ZDHHC13: variants seen among roughly 807,000 people sequenced by gnomAD.
The protein encoded by ZDHHC13 is palmitoyltransferase ZDHHC13.
In ZDHHC13, 85 loss-of-function variants were observed where a neutral mutation model predicts 86.0. That is an observed-to-expected ratio of 0.99 (90% CI 0.83 to 1.18). The LOEUF (loss-of-function observed/expected upper bound fraction) is 1.18. Among genes scored for constraint, ZDHHC13 ranks in the 50% most tolerant of loss-of-function variants. The probability of loss-of-function intolerance (pLI) is 0.00; values close to 1 mark genes in which losing one functional copy is unlikely to be tolerated. For missense variants in ZDHHC13, 711 were observed against 730.2 expected (o/e 0.97, Z 0.30); for synonymous variants, 263 against 246.4 (o/e 1.07, Z -0.63).
At chr11:19,142,928 A>AT in intron 1 of ZDHHC13, 50 bp from the exon 2 acceptor site, 1 of 1,520,336 alleles carries the variant, frequency 6.6e-7, no homozygotes, top group Non-Finnish European at 8.9e-7. Flanking sequence ...TATGTAATTG[A>AT]GTGTGACATT....
intron 4 of ZDHHC13, chr11:19,148,931 G>C (rs1311286814): frequency 3.7e-6 from 1 of 268,448 alleles, no homozygotes; most frequent in African/African-American, 2.2e-5. Context: ...TCCAGCCTGG[G>C]TCACAGAGCG....
chr11:19,162,966 G>A (rs1007903378), intron 10 of ZDHHC13, among the ~76,000 whole-genome samples: 2 of 152,108 alleles, frequency 1.3e-5, no homozygotes, highest in African/African-American at 4.8e-5. Context: ...AATGATCAAA[G>A]AATATTTTTC....
intron 1 of ZDHHC13, among the ~76,000 whole-genome samples, chr11:19,140,181 A>T (rs1166141712): frequency 6.6e-6 from 1 of 151,272 alleles, no homozygotes; most frequent in Non-Finnish European, 1.5e-5. Context: ...CAAAGGGCTA[A>T]TATCCAGAAT....
At chr11:19,127,458 A>T (rs779704023) in intron 1 of ZDHHC13, among the ~76,000 whole-genome samples, 1 of 152,102 alleles carries the variant, frequency 6.6e-6, no homozygotes, top group Non-Finnish European at 1.5e-5. Flanking sequence ...GTTTAATTAG[A>T]TCCCACTTAT....
At chr11:19,175,676 C>G in intron 16 of ZDHHC13, 146 bp from the exon 17 acceptor site, 1 of 860,168 alleles carries the variant, frequency 1.2e-6, no homozygotes, top group Non-Finnish European at 1.7e-6. Flanking sequence ...TACCAGAAGC[C>G]CAGGAACTAT....
intron 1 of ZDHHC13, among the ~76,000 whole-genome samples, chr11:19,123,432 G>A (rs1848799058): frequency 6.6e-6 from 1 of 151,948 alleles, no homozygotes; most frequent in African/African-American, 2.4e-5. Flanking sequence ...TTTAAGACCA[G>A]TCTGGGCAAC....
chr11:19,133,650 T>C (rs544221412), intron 1 of ZDHHC13, among the ~76,000 whole-genome samples: 1 of 152,134 alleles, frequency 6.6e-6, no homozygotes, highest in East Asian at 1.9e-4. Context: ...AGAATACGTA[T>C]GATAGATTCC....
chr11:19,158,736 T>C (rs191969551), intron 9 of ZDHHC13, among the ~76,000 whole-genome samples: 210 of 152,290 alleles, frequency 1.4e-3, no homozygotes, highest in Middle Eastern at 3.4e-3. Flanking sequence ...CGTTGTGCTT[T>C]AGTTTTCTCC....
chr11:19,170,347 T>C (rs1191546988), intron 14 of ZDHHC13, 64 bp from the exon 15 acceptor site: 1 of 1,478,908 alleles, frequency 6.8e-7, no homozygotes, highest in African/African-American at 1.4e-5. Context: ...GATTTTATCT[T>C]CTTGGAGACT....
chr11:19,163,854 G>A (rs188220889), intron 11 of ZDHHC13, among the ~76,000 whole-genome samples: 21 of 152,270 alleles, frequency 1.4e-4, no homozygotes, highest in Non-Finnish European at 2.8e-4. Context: ...CATGTTTTCC[G>A]TTGCTCATGA....
chr11:19,170,475 T>C lies in ZDHHC13; in HGVS notation c.1539T>C (p.Ile513=), dbSNP rs1850192126. The change falls in exon 15 of 17, where the codon ATT becomes ATC. Residue 513 remains isoleucine (I), a synonymous_variant. Transcript: ENST00000446113. ...EDGLWTYLNQ[I]VACSPWVLYI... ...GATTATGGACTTACCTCAATCAGATTGTGGCCTGTTCCCCTTGGGTTTTAT... is the reference window on the plus strand; with the variant it reads ...GATTATGGACTTACCTCAATCAGATCGTGGCCTGTTCCCCTTGGGTTTTAT... The C allele has an allele frequency of 1.9e-6, 3 of 1,543,482 alleles. No homozygotes were observed. Among genetic ancestry groups the C allele is most frequent in the African/African-American group, 1.4e-5 (1 of 72,178 alleles).
intron 13 of ZDHHC13, among the ~76,000 whole-genome samples, 193 bp from the exon 14 acceptor site, chr11:19,166,109 G>T (rs975222409): frequency 6.6e-6 from 1 of 152,140 alleles, no homozygotes; most frequent in South Asian, 2.1e-4. Flanking sequence ...TATTAGTTCA[G>T]TTAACATGGA....
rs530671625 is a variant in ZDHHC13, at chr11:19,136,530, G to C, written c.28-6448G>C. Among the ~76,000 whole-genome samples the C allele has an allele frequency of 6.9e-3, 1,044 of 152,142 alleles. 9 individuals are homozygous for C. The highest frequency in any genetic ancestry group is 0.024 in the African/African-American group (983 of 41,534). The stretch of plus-strand genomic sequence containing the variant: ...TATTATCCAGGAGAACTTCCCCAAT[G>C]TAGCAAGGCCAACATTCAGATTCAG... On this transcript the variant is annotated intron_variant, in intron 1 of 16. Transcript: ENST00000446113.
At chr11:19,153,436 T>C (rs1849666245) in intron 8 of ZDHHC13, among the ~76,000 whole-genome samples, 1 of 152,230 alleles carries the variant, frequency 6.6e-6, no homozygotes, top group Non-Finnish European at 1.5e-5. Context: ...TTAGTAATTG[T>C]ACTTTCAGAG....
rs77528600 is a variant in ZDHHC13 at position 19,132,906 on chromosome 11, C to G, written c.28-10072C>G. On this transcript the variant is annotated intron_variant, in intron 1 of 16. Transcript: ENST00000446113. ...AAGCAAGAGGTTAAGTGCAATCCTA[C>G]TTATCCCATCATGCACAGAAGTAGA... Among the ~76,000 whole-genome samples the G allele has an allele frequency of 6.8e-3, 1,042 of 152,244 alleles. 10 individuals are homozygous for G. The highest frequency in any genetic ancestry group is 0.024 in the African/African-American group (984 of 41,544).
Position 19,175,826 on chromosome 11 carries a change from G to C in ZDHHC13, c.1735G>C (p.Gly579Arg). 1 of 1,608,752 alleles carries C rather than the reference G, an allele frequency of 6.2e-7. No individual in the cohort carries two copies. Among genetic ancestry groups the C allele is most frequent in the Non-Finnish European group, 8.5e-7 (1 of 1,178,370 alleles). Residue 579 changes from glycine to arginine, a missense_variant, in exon 17 of 17, where the codon GGA becomes CGA. By Grantham distance (125) the Gly-to-Arg change is moderately radical. Coordinates refer to ENST00000446113, the MANE Select transcript of ZDHHC13 (RefSeq NM_019028.3). Reference protein sequence around the residue: ...LSLRKTPYNLGFMQNLADFFQ... With the variant: ...LSLRKTPYNLRFMQNLADFFQ... ...TCTTTTTTTTTTTCTTGGCAGTCTT[G>C]GATTCATGCAGAACCTGGCAGATTT...
intron 10 of ZDHHC13, among the ~76,000 whole-genome samples, chr11:19,161,005 C>G (rs1056859259): frequency 6.6e-6 from 1 of 151,862 alleles, no homozygotes; most frequent in Non-Finnish European, 1.5e-5. Flanking sequence ...TCTAGGCAAC[C>G]ATATGAACCT....
intron 13 of ZDHHC13, 58 bp downstream of exon 13, chr11:19,165,203 C>T: frequency 6.5e-7 from 1 of 1,530,984 alleles, no homozygotes; most frequent in Non-Finnish European, 8.9e-7. Flanking sequence ...TTAGTTATGA[C>T]TCACAGAAAA....
intron 16 of ZDHHC13, among the ~76,000 whole-genome samples, 160 bp from the exon 17 acceptor site, chr11:19,175,662 A>C (rs1253152085): frequency 2.0e-5 from 3 of 152,188 alleles, no homozygotes; most frequent in African/African-American, 7.2e-5. Flanking sequence ...CTTCAGTTTT[A>C]AGGTACCAGA....
Sources: gnomAD v4.1 joint callset for allele counts (sites outside exome capture counted in the v4.1 genomes callset) on GRCh38, gnomAD v4.1.1 for gene constraint, MANE v1.5 for transcripts, NCBI Gene and HGNC (gene_info 2026-07-23, HGNC 2026-07-21) for gene names.